Variants in CHST12 observed in about 807,000 individuals in gnomAD.
The protein encoded by CHST12 is carbohydrate sulfotransferase 12, also known as carbohydrate (chondroitin 4) sulfotransferase 12.
In CHST12, 23 loss-of-function variants were observed where a neutral mutation model predicts 27.9. The observed-to-expected ratio is 0.82, with a 90% CI of 0.59 to 1.17. The LOEUF is 1.17. CHST12 is among the 50% of genes most tolerant of loss of function. The pLI is 0.00. For missense variants in CHST12, 682 were observed against 603.0 expected, an observed-to-expected ratio of 1.13 and a Z score of -1.37; for synonymous variants, 322 against 273.0, an observed-to-expected ratio of 1.18 and a Z score of -1.77.
At chr7:2,408,359 T>A (rs1322927059) in intron 1 of CHST12, among the ~76,000 whole-genome samples, 1 of 76,180 alleles carries the variant, frequency 1.3e-5, no homozygotes, top group African/African-American at 6.6e-5. Flanking sequence ...TGAGACTCCG[T>A]CTCAAAAAAA....
Position 2,434,054 on chromosome 7 carries a change from A to G in CHST12, c.*170A>G, listed in dbSNP as rs878864530. ...AAGATTAATATATTTCAGGTATTTA[A>G]TACGAAATGTGGAAGGGAATGCTGG... is the stretch of plus-strand genomic sequence containing the variant. On this transcript the variant is annotated 3_prime_UTR_variant, in exon 2 of 2. Coordinates refer to ENST00000618655, the MANE Select transcript of CHST12 (RefSeq NM_018641.5). 1.1e-5 allele frequency: 6 copies of G among 532,074 alleles called. No homozygotes were observed. In the South Asian group the frequency reaches 1.7e-4, roughly 15 times the overall value. The allele number at this position is 532,074 out of a possible 1,614,324, so 33.0% of individuals were successfully genotyped here.
chr7:2,430,370 C>T (rs1782241281), intron 1 of CHST12, among the ~76,000 whole-genome samples: 1 of 152,050 alleles, frequency 6.6e-6, no homozygotes, highest in African/African-American at 2.4e-5. Flanking sequence ...GGTTGGAGTG[C>T]AGTGGCACAA....
intron 1 of CHST12, among the ~76,000 whole-genome samples, chr7:2,407,983 G>C (rs999702943): frequency 1.3e-5 from 2 of 152,064 alleles, no homozygotes; most frequent in Non-Finnish European, 2.9e-5. Flanking sequence ...TAGTGAGAGA[G>C]GCTGAGTTTC....
Position 2,434,578 on chromosome 7 carries a change from C to CAAAAAA in CHST12, c.*694_*695insAAAAAA, listed in dbSNP as rs1782422496. The CAAAAAA allele has an allele frequency of 4.9e-5, 1 of 20,536 alleles. No individual in the cohort carries two copies. The highest frequency in any genetic ancestry group is 1.8e-3 in the South Asian group (1 of 558). 1.3% of individuals were successfully genotyped at this position (20,536 alleles called of 1,614,324 possible). A position where few individuals can be genotyped will look rare whatever the true frequency, so the allele number is the denominator to read the frequency against. ...CCAACATGGTGAAACCCTGTCTCTA[C>CAAAAAA]TAAAAAAAAAAAAAAAAAAAAAAAA... On this transcript the variant is annotated 3_prime_UTR_variant, in exon 2 of 2. Transcript: ENST00000618655.
At chr7:2,408,207 C>T (rs935118853) in intron 1 of CHST12, among the ~76,000 whole-genome samples, 1 of 151,588 alleles carries the variant, frequency 6.6e-6, no homozygotes, top group African/African-American at 2.4e-5. Context: ...CTGGCTAATA[C>T]AAAAATTAGC....
chr7:2,405,449 A>G (rs1364472505), intron 1 of CHST12, among the ~76,000 whole-genome samples: 1 of 152,110 alleles, frequency 6.6e-6, no homozygotes, highest in Non-Finnish European at 1.5e-5. Flanking sequence ...GACTGGAAAG[A>G]TGGGTTTCTG....
At chr7:2,412,429 T>C (rs964713212) in intron 1 of CHST12, among the ~76,000 whole-genome samples, 4 of 152,206 alleles carry the variant, frequency 2.6e-5, no homozygotes, top group Non-Finnish European at 5.9e-5. Flanking sequence ...CCTTATATAG[T>C]GTCTGTAAAG....
intron 1 of CHST12, among the ~76,000 whole-genome samples, chr7:2,409,272 C>T (rs1229296223): frequency 6.6e-6 from 1 of 152,144 alleles, no homozygotes; most frequent in African/African-American, 2.4e-5. Context: ...CCAAGCTGAA[C>T]AACCAAGGTT....
rs781596634 is a variant in CHST12, at chr7:2,433,077, C to T, written c.438C>T (p.Phe146=). 5.0e-6 allele frequency: 8 copies of T among 1,612,250 alleles called. No homozygotes were observed. Among genetic ancestry groups the T allele is most frequent in the African/African-American group, 1.3e-5 (1 of 74,890 alleles). The change falls in exon 2 of 2, where the codon TTC becomes TTT. Residue 146 remains phenylalanine (F), a synonymous_variant. Coordinates refer to ENST00000618655, the MANE Select transcript of CHST12 (RefSeq NM_018641.5). This position sits in a 1 kb window ranked among gnomAD's most constrained non-coding sequence, Gnocchi z 6.1. ...SLAFPTKERA[F]DDIPNSELSH... ...CCTTCCCCACCAAGGAGCGCGCATTCGACGACATCCCCAACTCGGAGCTGA... is the reference window on the plus strand; with the variant it reads ...CCTTCCCCACCAAGGAGCGCGCATTTGACGACATCCCCAACTCGGAGCTGA...
chr7:2,419,588 TCC>T (rs1781910811), intron 1 of CHST12, among the ~76,000 whole-genome samples: 1 of 150,196 alleles, frequency 6.7e-6, no homozygotes, highest in Non-Finnish European at 1.5e-5. Context: ...GAGCCTGTAA[TCC>T]CAGCTACTTA....
rs1782427279 is a variant in CHST12 at position 2,434,616 on chromosome 7, A to AAAAAAAAAAG, written c.*732_*733insAAAAAAAAAG. On this transcript the variant is annotated 3_prime_UTR_variant, in exon 2 of 2. Coordinates refer to ENST00000618655, the MANE Select transcript of CHST12 (RefSeq NM_018641.5). ...AAAAAAAAAAAAAAAAAAAAAAAAA[A>AAAAAAAAAAG]TGAGTCGGGTGTGGTGGTGTGCACC... 1 of 128,138 alleles carries AAAAAAAAAAG rather than the reference A, an allele frequency of 7.8e-6. No individual in the cohort carries two copies. Among genetic ancestry groups the AAAAAAAAAAG allele is most frequent in the Non-Finnish European group, 1.5e-5 (1 of 65,968 alleles). The allele number at this position is 128,138 out of a possible 1,614,324, so 7.9% of individuals were successfully genotyped here.
At chr7:2,409,980 C>G (rs1432314499) in intron 1 of CHST12, among the ~76,000 whole-genome samples, 1 of 152,046 alleles carries the variant, frequency 6.6e-6, no homozygotes, top group East Asian at 1.9e-4. Context: ...CAGAGTCTCA[C>G]TCTGTCACTC....
rs1489167887 is a variant in CHST12 at position 2,417,414 on chromosome 7, G to GAGT, written c.-78+13742_-78+13744dup. On this transcript the variant is annotated intron_variant, in intron 1 of 1. Transcript: ENST00000618655. ...TTTTTTTTTTTTTTTTTTTGTGATG[G>GAGT]AGTCTCACAGTGTTGCCCAGGCTGG... is the stretch of plus-strand genomic sequence containing the variant. Among the ~76,000 whole-genome samples, 9 of 144,684 alleles carry GAGT rather than the reference G, an allele frequency of 6.2e-5. No homozygotes were observed. In the East Asian group the frequency reaches 9.9e-4, roughly 16 times the overall value. The allele number at this position is 144,684 out of a possible 152,430, so 94.9% of individuals were successfully genotyped here.
In CHST12 at chr7:2,438,548, A is replaced by C. The variant is rs1169695255; in HGVS notation, c.*4664A>C. ...GCTCCCATGCCCATTATCCAGGGGT[A>C]ATTTTTGCTCACTTATTTATAAGCC... is the stretch of plus-strand genomic sequence containing the variant. On this transcript the variant is annotated 3_prime_UTR_variant, in exon 2 of 2. Transcript: ENST00000618655. 1.3e-5 allele frequency: 2 copies of C among 152,220 alleles called. No homozygotes were observed. The highest frequency in any genetic ancestry group is 6.5e-5 in the Admixed American group (1 of 15,280). 9.4% of individuals were successfully genotyped at this position (152,220 alleles called of 1,614,324 possible). A position where few individuals can be genotyped will look rare whatever the true frequency, so the allele number is the denominator to read the frequency against.
intron 1 of CHST12, among the ~76,000 whole-genome samples, chr7:2,407,955 C>T (rs1043428974): frequency 2.0e-5 from 3 of 151,854 alleles, no homozygotes; most frequent in Non-Finnish European, 4.4e-5. Flanking sequence ...AATTAAAAGT[C>T]TGGGCAGCAA....
At chr7:2,403,543 G>T (rs1190081965), upstream of CHST12, 2 of 151,524 alleles carry the variant, frequency 1.3e-5, no homozygotes, top group South Asian at 1.8e-4. Context: ...CTCGCGAGAA[G>T]ACGACCGGTA....
At chr7:2,419,133 G>T (rs937431606) in intron 1 of CHST12, among the ~76,000 whole-genome samples, 1 of 152,216 alleles carries the variant, frequency 6.6e-6, no homozygotes, top group African/African-American at 2.4e-5. Context: ...ACTTGGCTGG[G>T]CGTGGTGGCT....
chr7:2,419,064 C>CT (rs1302152166), intron 1 of CHST12, among the ~76,000 whole-genome samples: 1 of 152,188 alleles, frequency 6.6e-6, no homozygotes, highest in Non-Finnish European at 1.5e-5. Context: ...TCCCAAATTG[C>CT]TGGGATCACA....
chr7:2,420,067 G>A (rs566655897), intron 1 of CHST12, among the ~76,000 whole-genome samples: 7 of 133,186 alleles, frequency 5.3e-5, no homozygotes, highest in South Asian at 2.6e-4. Flanking sequence ...TCTGCCTCCC[G>A]GGTTCATGCC....
Sources: gnomAD v4.1 joint callset for allele counts (sites outside exome capture counted in the v4.1 genomes callset) on GRCh38, gnomAD v4.1.1 for gene constraint, Gnocchi (gnomAD v3.1) non-coding constraint, MANE v1.5 for transcripts, NCBI Gene and HGNC (gene_info 2026-07-23, HGNC 2026-07-21) for gene names.